The following SUGP1 variants were observed in gnomAD, a reference collection of about 807,000 sequenced individuals.
SUGP1 encodes SURP and G-patch domain containing 1.
A neutral mutation model predicts 76.5 loss-of-function variants in SUGP1; 34 were observed. That is an observed-to-expected ratio of 0.44 (90% CI 0.34 to 0.59). The LOEUF (loss-of-function observed/expected upper bound fraction) is 0.59, where lower values mean the gene tolerates loss of function less well. Among genes scored for constraint, SUGP1 ranks in the 20% least tolerant of loss-of-function variants. The pLI, the probability that SUGP1 is intolerant of heterozygous loss-of-function variation, is 0.01. For synonymous variants in SUGP1, 326 were observed against 326.2 expected, an observed-to-expected ratio of 1.00 and a Z score of 0.01; for missense variants, 752 against 851.7, an observed-to-expected ratio of 0.88 and a Z score of 1.46.
In SUGP1 at chr19:19,276,173, T is replaced by G. The variant is rs2061048140; in HGVS notation, c.*475A>C. On this transcript the variant is annotated 3_prime_UTR_variant, in exon 14 of 14. Coordinates refer to ENST00000247001, the MANE Select transcript of SUGP1 (RefSeq NM_172231.4). ...TTCAAGCCATTCTCCTGCCTCTGCC[T>G]CCCGAGTAGCTGAGACGACAGGTGT... is the stretch of plus-strand genomic sequence containing the variant. 6.3e-6 allele frequency: 1 copy of G among 159,302 alleles called. No individual in the cohort carries two copies. Among genetic ancestry groups the G allele is most frequent in the African/African-American group, 2.4e-5 (1 of 41,520 alleles). The allele number at this position is 159,302 out of a possible 1,614,324, so 9.9% of individuals were successfully genotyped here.
rs557638950 is a variant in SUGP1 at position 19,301,146 on chromosome 19, C to T, written c.887+1119G>A. ...GTGTGGTCAACAACTCAATGATCCC[C>T]AGGGCCAGTCTGACATTCAGGACAC... On this transcript the variant is annotated intron_variant, in intron 7 of 13. Transcript: ENST00000247001. 2.6e-5 allele frequency among the ~76,000 whole-genome samples: 4 copies of T among 152,262 alleles called. No individual in the cohort carries two copies. In the South Asian group the frequency reaches 6.2e-4, roughly 24 times the overall value.
chr19:19,288,041 T>C (rs1325444985), intron 8 of SUGP1, among the ~76,000 whole-genome samples: 7 of 152,076 alleles, frequency 4.6e-5, no homozygotes, highest in African/African-American at 7.2e-5. Context: ...CAATATATTT[T>C]CTCTTCCTCC....
Position 19,278,462 on chromosome 19 carries a change from T to TC in SUGP1, c.1635+227dup, listed in dbSNP as rs149132035. 8.3e-3 allele frequency among the ~76,000 whole-genome samples: 1,260 copies of TC among 152,114 alleles called. 17 individuals are homozygous for TC. The highest frequency in any genetic ancestry group is 0.029 in the African/African-American group (1,201 of 41,494). ...AATTGGCTCCACTGGAAGCAAAATT[T>TC]CCCCCGCAGCCCCAGGAAATGTTTC... On this transcript the variant is annotated intron_variant, in intron 11 of 13. Coordinates refer to ENST00000247001, the MANE Select transcript of SUGP1 (RefSeq NM_172231.4).
chr19:19,299,561 T>C (rs1316288727), intron 7 of SUGP1, among the ~76,000 whole-genome samples: 2 of 151,596 alleles, frequency 1.3e-5, no homozygotes, highest in Non-Finnish European at 2.9e-5. Flanking sequence ...TTTTGTATTT[T>C]TTAGTAGAGA....
At chr19:19,302,067 T>C in intron 7 of SUGP1, 198 bp downstream of exon 7, 1 of 738,170 alleles carries the variant, frequency 1.4e-6, no homozygotes. Context: ...CCTCAGAGAC[T>C]ACCCAGGGGT....
chr19:19,293,338 C>G (rs544985846), intron 8 of SUGP1, among the ~76,000 whole-genome samples: 6 of 152,064 alleles, frequency 3.9e-5, no homozygotes, highest in African/African-American at 1.4e-4. Context: ...AATCCCAGCA[C>G]TTTGGGAGGC....
At chr19:19,277,543 A>G (rs912614337) in intron 12 of SUGP1, among the ~76,000 whole-genome samples, 191 bp downstream of exon 12, 4 of 152,174 alleles carry the variant, frequency 2.6e-5, no homozygotes, top group African/African-American at 9.7e-5. Flanking sequence ...AGGCCCTGGG[A>G]CTGGGGAGGA....
chr19:19,305,375 T>C (rs2061308363), intron 4 of SUGP1, among the ~76,000 whole-genome samples: 1 of 152,140 alleles, frequency 6.6e-6, no homozygotes, highest in African/African-American at 2.4e-5. Context: ...CCAGTGACCG[T>C]CCTTTCCCAG....
chr19:19,291,871 T>A (rs2061186616), intron 8 of SUGP1, among the ~76,000 whole-genome samples: 1 of 134,770 alleles, frequency 7.4e-6, no homozygotes, highest in Non-Finnish European at 1.6e-5. Flanking sequence ...CCAGCCTGGG[T>A]GACAGAGTGA....
intron 2 of SUGP1, chr19:19,316,209 G>T: frequency 1.7e-6 from 1 of 597,050 alleles, no homozygotes; most frequent in Non-Finnish European, 2.9e-6. Flanking sequence ...ACTGCTGAGT[G>T]GATGAGTTGG....
chr19:19,319,200 C>T (rs572245559), intron 1 of SUGP1, among the ~76,000 whole-genome samples: 33 of 152,158 alleles, frequency 2.2e-4, no homozygotes, highest in African/African-American at 7.5e-4. Flanking sequence ...CCAGCCTGGG[C>T]GACAGAGCGA....
At chr19:19,313,703 T>C (rs898133658) in intron 2 of SUGP1, among the ~76,000 whole-genome samples, 18 of 151,962 alleles carry the variant, frequency 1.2e-4, no homozygotes, top group Non-Finnish European at 2.6e-4. Context: ...AGTGAGATCC[T>C]GCCTCTGAAA....
Position 19,302,331 on chromosome 19 carries a change from A to G in SUGP1, c.821T>C (p.Ile274Thr). The change falls in exon 7 of 14, where the codon ATA becomes ACA. Residue 274 changes from isoleucine to threonine, a missense_variant. Ile to Thr is a moderately conservative substitution (Grantham distance 89). Around this residue, in one of 2 missense-constraint regions of SUGP1, gnomAD observed 620 missense variants for 617.3 expected, o/e 1.00. Coordinates refer to ENST00000247001, the MANE Select transcript of SUGP1 (RefSeq NM_172231.4). ...KNLAEKLARFIADGGPEVETI... is the reference protein window; with the variant it reads ...KNLAEKLARFTADGGPEVETI... ...TTCCACCTCGGGACCCCCGTCCGCT[A>G]TGAACCTGGCCAACTTTTCTGCAAG... The G allele has an allele frequency of 6.2e-7, 1 of 1,614,134 alleles. No homozygotes were observed. Among genetic ancestry groups the G allele is most frequent in the Non-Finnish European group, 8.5e-7 (1 of 1,180,006 alleles).
At position 19,276,403 on chromosome 19, in the gene SUGP1, C is replaced by G; in HGVS notation, c.*245G>C. The G allele has an allele frequency of 5.9e-6, 3 of 509,922 alleles. No homozygotes were observed. The highest frequency in any genetic ancestry group is 1.1e-5 in the Non-Finnish European group (3 of 282,642). 31.6% of individuals were successfully genotyped at this position (509,922 alleles called of 1,614,324 possible). ...TTTCTTCCTCCCCTCCAGTGCAACCCAGGCTGAGCGGGGATGGAGACTCCA... is the reference window on the plus strand; with the variant it reads ...TTTCTTCCTCCCCTCCAGTGCAACCGAGGCTGAGCGGGGATGGAGACTCCA... On this transcript the variant is annotated 3_prime_UTR_variant, in exon 14 of 14. Transcript: ENST00000247001.
chr19:19,306,169 C>G (rs1353838936), intron 3 of SUGP1, 93 bp from the exon 4 acceptor site: 3 of 1,281,126 alleles, frequency 2.3e-6, no homozygotes, highest in East Asian at 2.6e-5. Flanking sequence ...CCCGGGGGAG[C>G]TGGGTCCTTG....
chr19:19,295,198 C>G (rs969478560), intron 8 of SUGP1, among the ~76,000 whole-genome samples: 4 of 150,096 alleles, frequency 2.7e-5, no homozygotes, highest in Non-Finnish European at 4.4e-5. Context: ...CCAGCCTGGT[C>G]AACATGGTGA....
intron 13 of SUGP1, 72 bp downstream of exon 13, chr19:19,276,875 A>T: frequency 6.3e-7 from 1 of 1,590,926 alleles, no homozygotes; most frequent in Non-Finnish European, 8.5e-7. Context: ...TGAGGAAGGA[A>T]GGGAGCCTTC....
intron 8 of SUGP1, among the ~76,000 whole-genome samples, chr19:19,294,146 C>T (rs1175167467): frequency 6.6e-6 from 1 of 151,654 alleles, no homozygotes; most frequent in Non-Finnish European, 1.5e-5. Context: ...GTCATCATGC[C>T]ACGGCACTCC....
intron 4 of SUGP1, 156 bp downstream of exon 4, chr19:19,305,693 C>T: frequency 1.5e-6 from 1 of 683,104 alleles, no homozygotes; most frequent in Non-Finnish European, 2.4e-6. Context: ...TTGCTCTCCT[C>T]ACCTCAGAGG....
Sources: allele counts gnomAD v4.1 joint callset (sites outside exome capture counted in the v4.1 genomes callset), GRCh38; gene constraint gnomAD v4.1.1; regional missense constraint gnomAD v4.1.1; transcripts MANE v1.5; gene names NCBI Gene and HGNC (gene_info 2026-07-23, HGNC 2026-07-21).